TMC1: variants seen among roughly 807,000 people sequenced by gnomAD.
TMC1 encodes transmembrane channel like 1.
TMC1 carries 84 observed loss-of-function variants against 105.8 expected under a neutral mutation model. The observed-to-expected ratio is 0.79, with a 90% CI of 0.67 to 0.95. TMC1 has a LOEUF of 0.95. TMC1 is among the 40% of genes least tolerant of loss of function. The probability of loss-of-function intolerance (pLI) is 0.00; values close to 1 mark genes in which losing one functional copy is unlikely to be tolerated. For missense variants in TMC1, 817 were observed against 914.1 expected (o/e 0.89, Z 1.37); for synonymous variants, 315 against 311.5 (o/e 1.01, Z -0.12).
chr9:72,671,554 A>G (rs967989694), intron 5 of TMC1, among the ~76,000 whole-genome samples: 6 of 152,206 alleles, frequency 3.9e-5, no homozygotes, highest in South Asian at 2.1e-4. Context: ...GGAAAAGTCA[A>G]TTCATCCAAA....
At chr9:72,642,078 A>T (rs1010585191) in intron 4 of TMC1, among the ~76,000 whole-genome samples, 19 of 151,992 alleles carry the variant, frequency 1.3e-4, no homozygotes, top group African/African-American at 4.3e-4. Flanking sequence ...TGGCCTCCCA[A>T]GGTGCTGGGA....
chr9:72,533,962 A>G (rs1823538149), intron 1 of TMC1, among the ~76,000 whole-genome samples: 1 of 152,088 alleles, frequency 6.6e-6, no homozygotes, highest in Admixed American at 6.6e-5. Flanking sequence ...GTGAAACTCC[A>G]TCTCTATTGC....
At chr9:72,639,194 C>T (rs1190862535) in intron 4 of TMC1, among the ~76,000 whole-genome samples, 8 of 151,836 alleles carry the variant, frequency 5.3e-5, no homozygotes, top group Non-Finnish European at 1.2e-4. Flanking sequence ...GCCAAAAGGC[C>T]GAGAAGCGAT....
chr9:72,716,175 C>T (rs1826915542), intron 8 of TMC1, among the ~76,000 whole-genome samples: 1 of 152,208 alleles, frequency 6.6e-6, no homozygotes, highest in Admixed American at 6.5e-5. Flanking sequence ...AGCCAGAGCT[C>T]TCCTGTATGA....
intron 1 of TMC1, among the ~76,000 whole-genome samples, chr9:72,577,579 C>G (rs1010887725): frequency 9.2e-5 from 14 of 152,174 alleles, no homozygotes; most frequent in Non-Finnish European, 1.9e-4. Flanking sequence ...AGGCCAAAAG[C>G]GGGATTCTTC....
intron 5 of TMC1, among the ~76,000 whole-genome samples, chr9:72,664,547 A>G (rs2132163489): frequency 6.6e-6 from 1 of 152,308 alleles, no homozygotes; most frequent in African/African-American, 2.4e-5. Context: ...GCAGACAAAC[A>G]GAAGAGCAGA....
intron 18 of TMC1, among the ~76,000 whole-genome samples, chr9:72,815,586 T>G (rs758626988): frequency 6.6e-6 from 1 of 152,184 alleles, no homozygotes; most frequent in Non-Finnish European, 1.5e-5. Context: ...ATGTGTGGCT[T>G]TATATTTTTT....
chr9:72,616,071 G>A lies in TMC1; in HGVS notation c.-305-297G>A, dbSNP rs138664612. 4.2e-3 allele frequency among the ~76,000 whole-genome samples: 639 copies of A among 152,224 alleles called. 5 individuals carry two copies. The highest frequency in any genetic ancestry group is 0.015 in the African/African-American group (614 of 41,558). ...TATTGACCCCATTTGTTGATGCTTA[G>A]GGATGAAAGTGGAAACTCCACTGCT... On this transcript the variant is annotated intron_variant, in intron 2 of 23. Coordinates refer to ENST00000297784, the MANE Select transcript of TMC1 (RefSeq NM_138691.3).
At chr9:72,655,342 C>T (rs894459824) in intron 5 of TMC1, among the ~76,000 whole-genome samples, 7 of 152,246 alleles carry the variant, frequency 4.6e-5, no homozygotes, top group African/African-American at 1.4e-4. Context: ...TGGACTAACA[C>T]GGTACATACA....
In TMC1 at chr9:72,788,486, A is replaced by AT. The variant is rs756987759; in HGVS notation, c.1029+3_1029+4insT. 238 of 1,613,994 alleles carry AT rather than the reference A, an allele frequency of 1.5e-4. No homozygotes were observed. Among genetic ancestry groups the AT allele is most frequent in the Non-Finnish European group, 3.8e-5 (45 of 1,179,848 alleles). On this transcript the variant is annotated splice_donor_region_variant and intron_variant, in intron 14 of 23. Coordinates refer to ENST00000297784, the MANE Select transcript of TMC1 (RefSeq NM_138691.3). ...ATTCTATCACAATGAACTTTAAGGT[A>AT]GAGGCACCAACTTCAAAAACCTGCT...
At chr9:72,821,354 T>C (rs1018728978) in intron 20 of TMC1, among the ~76,000 whole-genome samples, 7 of 151,774 alleles carry the variant, frequency 4.6e-5, no homozygotes, top group Non-Finnish European at 8.8e-5. Flanking sequence ...AAAAAAAAAT[T>C]AGTCGCGTGT....
chr9:72,700,765 C>A, intron 8 of TMC1, 122 bp downstream of exon 8: 1 of 171,616 alleles, frequency 5.8e-6, no homozygotes, highest in Non-Finnish European at 9.1e-6. Flanking sequence ...CACACATACA[C>A]ACACACACAC....
chr9:72,790,035 G>A (rs1588084523), intron 15 of TMC1, among the ~76,000 whole-genome samples: 1 of 152,188 alleles, frequency 6.6e-6, no homozygotes, highest in Admixed American at 6.5e-5. Context: ...AAGGAGGTTA[G>A]ACATAGATCA....
chr9:72,725,531 A>T (rs1827107759), intron 8 of TMC1, among the ~76,000 whole-genome samples: 1 of 151,524 alleles, frequency 6.6e-6, no homozygotes, highest in Admixed American at 6.6e-5. Flanking sequence ...CGAGGGCATG[A>T]AGCATCCAGC....
intron 1 of TMC1, among the ~76,000 whole-genome samples, chr9:72,553,242 G>C (rs1823885353): frequency 6.6e-6 from 1 of 151,958 alleles, no homozygotes; most frequent in Non-Finnish European, 1.5e-5. Context: ...CAAAGTGCTG[G>C]GATTATAGGC....
At chr9:72,644,842 A>G (rs1825684257) in intron 4 of TMC1, among the ~76,000 whole-genome samples, 2 of 152,204 alleles carry the variant, frequency 1.3e-5, no homozygotes, top group African/African-American at 4.8e-5. Context: ...CTAACTTGTT[A>G]TAATATGTGT....
intron 20 of TMC1, among the ~76,000 whole-genome samples, chr9:72,822,500 C>T (rs1249405303): frequency 6.7e-6 from 1 of 148,872 alleles, no homozygotes; most frequent in Non-Finnish European, 1.5e-5. Context: ...TGTTGAGAAG[C>T]TCTGTTAATT....
At chr9:72,641,434 T>G (rs1453298351) in intron 4 of TMC1, among the ~76,000 whole-genome samples, 2 of 152,146 alleles carry the variant, frequency 1.3e-5, no homozygotes, top group Non-Finnish European at 2.9e-5. Context: ...ATGCACTGTG[T>G]CAAAAACAGT....
chr9:72,796,445 A>G (rs924700429), intron 17 of TMC1, among the ~76,000 whole-genome samples: 1 of 152,100 alleles, frequency 6.6e-6, no homozygotes, highest in Non-Finnish European at 1.5e-5. Context: ...GGCCAATATC[A>G]TGAGGCCCAT....
Sources: gnomAD v4.1 joint callset for allele counts (sites outside exome capture counted in the v4.1 genomes callset) on GRCh38, gnomAD v4.1.1 for gene constraint, MANE v1.5 for transcripts, NCBI Gene and HGNC (gene_info 2026-07-23, HGNC 2026-07-21) for gene names.